The following RALYL variants were observed in gnomAD, a reference collection of about 807,000 sequenced individuals.
The protein encoded by RALYL is RALY RNA binding protein like, also known as RNA-binding Raly-like protein.
RALYL carries 29 observed loss-of-function variants against 35.1 expected under a neutral mutation model. The ratio of observed to expected loss-of-function variants is 0.83; its 90% CI spans 0.61 to 1.13. The LOEUF (loss-of-function observed/expected upper bound fraction) is 1.13. Among genes scored for constraint, RALYL ranks in the 50% most tolerant of loss-of-function variants. The pLI is 0.00. For missense variants in RALYL, 359 were observed against 360.4 expected, an observed-to-expected ratio of 1.00 and a Z score of 0.03; for synonymous variants, 120 against 127.6, an observed-to-expected ratio of 0.94 and a Z score of 0.40.
At chr8:84,617,824 G>A (rs1347771077) in intron 2 of RALYL, among the ~76,000 whole-genome samples, 1 of 151,564 alleles carries the variant, frequency 6.6e-6, no homozygotes, top group Non-Finnish European at 1.5e-5. Flanking sequence ...TTTTGTCAAA[G>A]GCCTTTTCTG....
At chr8:84,785,362 TA>T (rs920712937) in intron 3 of RALYL, among the ~76,000 whole-genome samples, 54 of 151,706 alleles carry the variant, frequency 3.6e-4, no homozygotes, top group African/African-American at 1.1e-3. Flanking sequence ...TAAGTGATTA[TA>T]AAAAAAAATC....
At chr8:84,426,870 G>A (rs2046539054) in intron 1 of RALYL, among the ~76,000 whole-genome samples, 1 of 152,094 alleles carries the variant, frequency 6.6e-6, no homozygotes, top group South Asian at 2.1e-4. Context: ...ATGAAGATTG[G>A]TACAGCCGTT....
intron 1 of RALYL, among the ~76,000 whole-genome samples, chr8:84,208,422 C>T (rs192600988): frequency 6.6e-6 from 1 of 152,232 alleles, no homozygotes; most frequent in Admixed American, 6.5e-5. Flanking sequence ...TAGACCTACT[C>T]TCAGCTTCAC....
At chr8:84,272,025 A>G (rs1834400362) in intron 1 of RALYL, among the ~76,000 whole-genome samples, 1 of 152,108 alleles carries the variant, frequency 6.6e-6, no homozygotes, top group African/African-American at 2.4e-5. Flanking sequence ...CCATAATGAG[A>G]TTCTAAGATT....
chr8:84,698,318 C>T (rs545371906), intron 2 of RALYL, among the ~76,000 whole-genome samples: 3 of 152,062 alleles, frequency 2.0e-5, no homozygotes, highest in Admixed American at 6.6e-5. Flanking sequence ...AATTAGGGAA[C>T]TATTTTAATT....
intron 2 of RALYL, among the ~76,000 whole-genome samples, chr8:84,718,155 C>A (rs932480605): frequency 1.3e-5 from 2 of 152,082 alleles, no homozygotes; most frequent in African/African-American, 4.8e-5. Context: ...TACTAGGGAT[C>A]TTCAATCAGA....
intron 1 of RALYL, among the ~76,000 whole-genome samples, chr8:84,413,232 T>A (rs527784520): frequency 6.6e-6 from 1 of 151,634 alleles, no homozygotes; most frequent in Non-Finnish European, 1.5e-5. Flanking sequence ...CTGGAAATTT[T>A]TAAAGATCTA....
chr8:84,816,768 A>ATTGT (rs1172259022), intron 4 of RALYL, among the ~76,000 whole-genome samples: 2 of 152,242 alleles, frequency 1.3e-5, no homozygotes, highest in African/African-American at 4.8e-5. Context: ...GTGTAATTGG[A>ATTGT]TTGTTTGTTT....
chr8:84,599,680 G>A (rs1815441244), intron 2 of RALYL, among the ~76,000 whole-genome samples: 2 of 151,960 alleles, frequency 1.3e-5, no homozygotes, highest in Non-Finnish European at 2.9e-5. Context: ...AATTCTTTAA[G>A]TGTTTTATCA....
chr8:84,475,826 C>T (rs1414646862), intron 1 of RALYL, among the ~76,000 whole-genome samples: 1 of 152,076 alleles, frequency 6.6e-6, no homozygotes, highest in Non-Finnish European at 1.5e-5. Context: ...TTAAGATTGT[C>T]GTAGTCTAGG....
chr8:84,872,433 T>C (rs1180358551), intron 6 of RALYL: 2 of 152,306 alleles, frequency 1.3e-5, no homozygotes, highest in Admixed American at 1.3e-4. Flanking sequence ...TAAACATATT[T>C]CATTTAAAGA....
rs143704437 is a variant in RALYL at position 84,451,181 on chromosome 8, T to C, written c.-23-78118T>C. On this transcript the variant is annotated intron_variant, in intron 1 of 8. Transcript: ENST00000521268. ...TGGGTCAGTATCCTCTTGAATTCACTTTTTTGTTCTCTAATATTCCAACTA... is the reference window on the plus strand; with the variant it reads ...TGGGTCAGTATCCTCTTGAATTCACCTTTTTGTTCTCTAATATTCCAACTA... 6.5e-4 allele frequency among the ~76,000 whole-genome samples: 99 copies of C among 152,166 alleles called. 1 individual carries two copies. The East Asian group carries it at 0.016, about 24-fold the overall frequency.
chr8:84,693,681 G>T (rs768833773), intron 2 of RALYL, among the ~76,000 whole-genome samples: 2 of 151,824 alleles, frequency 1.3e-5, no homozygotes, highest in Non-Finnish European at 2.9e-5. Context: ...ATTACAGGCT[G>T]ATATTCCTGA....
At chr8:84,605,937 C>A (rs895020611) in intron 2 of RALYL, among the ~76,000 whole-genome samples, 7 of 152,060 alleles carry the variant, frequency 4.6e-5, no homozygotes. Flanking sequence ...TTAAGTATAG[C>A]CAGAGTTATT....
intron 2 of RALYL, among the ~76,000 whole-genome samples, chr8:84,750,365 TG>T (rs1809675448): frequency 6.6e-6 from 1 of 152,124 alleles, no homozygotes; most frequent in Admixed American, 6.5e-5. Flanking sequence ...TATCTAAGAA[TG>T]ATGTGGTAAC....
At chr8:84,917,053 T>C (rs1250572144) in intron 8 of RALYL, among the ~76,000 whole-genome samples, 4 of 152,160 alleles carry the variant, frequency 2.6e-5, no homozygotes, top group Non-Finnish European at 5.9e-5. Flanking sequence ...TAGCATACCA[T>C]ATACAGTAAC....
At chr8:84,357,769 ATATATATATT>A (rs1394405440) in intron 1 of RALYL, among the ~76,000 whole-genome samples, 2 of 147,496 alleles carry the variant, frequency 1.4e-5, no homozygotes, top group Non-Finnish European at 3.0e-5. Context: ...ATATATATAA[ATATATATATT>A]TATATATTTA....
chr8:84,510,878 T>C (rs2057560602), intron 1 of RALYL, among the ~76,000 whole-genome samples: 2 of 152,170 alleles, frequency 1.3e-5, no homozygotes. Context: ...GTATACAATG[T>C]GGAATGATTA....
At chr8:84,191,716 A>G (rs1813924330) in intron 1 of RALYL, among the ~76,000 whole-genome samples, 1 of 152,208 alleles carries the variant, frequency 6.6e-6, no homozygotes, top group Non-Finnish European at 1.5e-5. Context: ...CAAATTGTAA[A>G]CGTTGAGTAA....
Sources: allele counts gnomAD v4.1 joint callset (sites outside exome capture counted in the v4.1 genomes callset), GRCh38; gene constraint gnomAD v4.1.1; transcripts MANE v1.5; gene names NCBI Gene and HGNC (gene_info 2026-07-23, HGNC 2026-07-21).